RIN2: variants seen among roughly 807,000 people sequenced by gnomAD.
The protein encoded by RIN2 is RAB5 interacting protein 2.
RIN2 carries 36 observed loss-of-function variants against 78.0 expected under a neutral mutation model. The observed-to-expected ratio is 0.46, with a 90% CI of 0.35 to 0.61. The LOEUF (loss-of-function observed/expected upper bound fraction) is 0.61. Ranked by LOEUF, RIN2 falls within the 20% of genes least tolerant of loss-of-function variation. The pLI is 0.00. For synonymous variants in RIN2, 466 were observed against 466.8 expected (o/e 1.00, Z 0.02); for missense variants, 1,087 against 1,159.7 (o/e 0.94, Z 0.91).
intron 2 of RIN2, among the ~76,000 whole-genome samples, chr20:19,807,366 G>A (rs1394584670): frequency 1.3e-5 from 2 of 152,150 alleles, no homozygotes; most frequent in African/African-American, 4.8e-5. Context: ...TGAAATTTAA[G>A]TCTTTGCCAG....
At chr20:19,904,933 T>A (rs1262794838) in intron 3 of RIN2, among the ~76,000 whole-genome samples, 1 of 152,214 alleles carries the variant, frequency 6.6e-6, no homozygotes, top group Non-Finnish European at 1.5e-5. Flanking sequence ...TTCTCTACAC[T>A]TGCTTCTTCA....
chr20:19,759,468 A>AC (rs773796535), intron 1 of RIN2, among the ~76,000 whole-genome samples: 1 of 152,232 alleles, frequency 6.6e-6, no homozygotes, highest in Non-Finnish European at 1.5e-5. Context: ...TCATTAAGAT[A>AC]AATAGTATTT....
rs753872502 is a variant in RIN2 at position 19,974,987 on chromosome 20, C to A, written c.962C>A (p.Thr321Lys). ...CCACCCGCTATTAATAGTCTCCACA[C>A]AAGCCCTCGGCTGGCCAGGACTGAA... ...PPPPAINSLH[T>K]SPRLARTETQ... The change falls in exon 9 of 13, where the codon ACA (threonine) becomes AAA (lysine). Residue 321 changes from threonine (T) to lysine (K), a missense_variant. Around this residue, in one of 8 missense-constraint regions of RIN2, gnomAD observed 706 missense variants for 667.5 expected, o/e 1.06. Transcript: ENST00000255006. The A allele has an allele frequency of 6.2e-7, 1 of 1,612,264 alleles. No homozygotes were observed. Among genetic ancestry groups the A allele is most frequent in the South Asian group, 1.1e-5 (1 of 91,002 alleles).
At chr20:19,940,003 C>T (rs374835107) in intron 4 of RIN2, among the ~76,000 whole-genome samples, 5 of 152,036 alleles carry the variant, frequency 3.3e-5, no homozygotes, top group South Asian at 2.1e-4. Flanking sequence ...TACAGGCACG[C>T]GCCACCACCA....
chr20:19,932,339 G>A (rs1446736995), intron 3 of RIN2, among the ~76,000 whole-genome samples: 2 of 152,130 alleles, frequency 1.3e-5, no homozygotes, highest in Non-Finnish European at 2.9e-5. Context: ...AGAACCATGA[G>A]CCAAATAAAC....
chr20:19,888,072 C>A (rs930075259), intron 2 of RIN2, among the ~76,000 whole-genome samples: 2 of 152,176 alleles, frequency 1.3e-5, no homozygotes, highest in African/African-American at 2.4e-5. Context: ...CAAAATTGCA[C>A]ACTGCCTTCT....
intron 7 of RIN2, among the ~76,000 whole-genome samples, chr20:19,968,413 C>T (rs1172931007): frequency 6.6e-6 from 1 of 152,142 alleles, no homozygotes; most frequent in Non-Finnish European, 1.5e-5. Context: ...AGGCCCCTTT[C>T]TTTAATAGGA....
chr20:19,954,701 CCCCTCACCCCT>C (rs762087846), intron 4 of RIN2, among the ~76,000 whole-genome samples: 35,257 of 117,992 alleles, frequency 0.3, 4,497 homozygotes, highest in East Asian at 0.56. Context: ...CTGCCCTGTG[CCCCTCACCCCT>C]GTGTCCCTCA....
chr20:19,767,403 A>G (rs2033931644), intron 1 of RIN2, among the ~76,000 whole-genome samples: 1 of 152,180 alleles, frequency 6.6e-6, no homozygotes, highest in African/African-American at 2.4e-5. Flanking sequence ...GGTGGAGGGA[A>G]AGTTACAGCA....
intron 2 of RIN2, among the ~76,000 whole-genome samples, chr20:19,866,390 C>G (rs998424845): frequency 1.3e-5 from 2 of 152,032 alleles, no homozygotes; most frequent in African/African-American, 4.8e-5. Flanking sequence ...CTGATGAACT[C>G]CAAGTTCAGA....
intron 1 of RIN2, among the ~76,000 whole-genome samples, chr20:19,766,055 T>C (rs2033872237): frequency 6.6e-6 from 1 of 152,028 alleles, no homozygotes. Context: ...TCCTGTGAGG[T>C]CTGATGTCTG....
At position 20,000,927 on chromosome 20, in the gene RIN2, C is replaced by T; in HGVS notation, c.2679C>T (p.Thr893=). ...IIFQNGEEDL[T]TS is the part of the protein sequence containing the mutation. ...TCCAGAACGGGGAAGAAGACCTCAC[C>T]ACCTCCTAGAAGACAGGCGGGACTT... The change falls in exon 13 of 13, where the codon ACC becomes ACT. Residue 893 remains threonine, a synonymous_variant. Transcript: ENST00000255006. 6.2e-7 allele frequency: 1 copy of T among 1,609,628 alleles called. No homozygotes were observed. The highest frequency in any genetic ancestry group is 8.5e-7 in the Non-Finnish European group (1 of 1,177,940).
chr20:20,000,988 G>A lies in RIN2; in HGVS notation c.*52G>A. The A allele has an allele frequency of 2.0e-6, 3 of 1,496,086 alleles. No homozygotes were observed. The highest frequency in any genetic ancestry group is 2.7e-6 in the Non-Finnish European group (3 of 1,103,196). The allele number at this position is 1,496,086 out of a possible 1,614,324, so 92.7% of individuals were successfully genotyped here. On this transcript the variant is annotated 3_prime_UTR_variant, in exon 13 of 13. Transcript: ENST00000255006. Reference sequence around the variant, plus strand: ...CATCCAAAGGGGAGCTGGAAGCCTTGCCTTCCCGCTTCTACATGCTTGAGC... The same window carrying A: ...CATCCAAAGGGGAGCTGGAAGCCTTACCTTCCCGCTTCTACATGCTTGAGC...
intron 2 of RIN2, among the ~76,000 whole-genome samples, chr20:19,839,908 G>A (rs1379437363): frequency 6.6e-6 from 1 of 152,134 alleles, no homozygotes; most frequent in Non-Finnish European, 1.5e-5. Context: ...ATTGAAACCC[G>A]CCTTTCCTGC....
chr20:19,887,144 G>A (rs578114862), intron 2 of RIN2, among the ~76,000 whole-genome samples: 16 of 151,552 alleles, frequency 1.1e-4, no homozygotes, highest in South Asian at 2.1e-4. Context: ...TCCCTCCTGA[G>A]TAGCTGGGAC....
chr20:19,853,505 T>G (rs2123208803), intron 2 of RIN2, among the ~76,000 whole-genome samples: 1 of 152,330 alleles, frequency 6.6e-6, no homozygotes, highest in East Asian at 1.9e-4. Context: ...ACCAACAGTG[T>G]AAAAGTGTTC....
At chr20:19,772,565 T>C (rs992641737) in intron 1 of RIN2, among the ~76,000 whole-genome samples, 3 of 152,196 alleles carry the variant, frequency 2.0e-5, no homozygotes, top group Admixed American at 1.3e-4. Flanking sequence ...TTGGGTTTCA[T>C]GTCACAAGAG....
chr20:19,976,751 A>C (rs2042290118), intron 9 of RIN2, among the ~76,000 whole-genome samples: 1 of 152,212 alleles, frequency 6.6e-6, no homozygotes, highest in Admixed American at 6.5e-5. Flanking sequence ...GCGGTTCAGA[A>C]GCTACACCCC....
chr20:19,964,436 A>G (rs2041871438), intron 6 of RIN2, among the ~76,000 whole-genome samples: 1 of 152,132 alleles, frequency 6.6e-6, no homozygotes, highest in Non-Finnish European at 1.5e-5. Context: ...TGTTGAATTT[A>G]ACCAAAAGCT....
Sources: gnomAD v4.1 joint callset for allele counts (sites outside exome capture counted in the v4.1 genomes callset) on GRCh38, gnomAD v4.1.1 for gene constraint, gnomAD v4.1.1 regional missense constraint, MANE v1.5 for transcripts, NCBI Gene and HGNC (gene_info 2026-07-23, HGNC 2026-07-21) for gene names.